The following SPOCK1 variants were observed in gnomAD, a reference collection of about 807,000 sequenced individuals.
The protein encoded by SPOCK1 is SPARC (osteonectin), cwcv and kazal like domains proteoglycan 1.
A neutral mutation model predicts 55.3 loss-of-function variants in SPOCK1; 23 were observed. That is an observed-to-expected ratio of 0.42 (90% confidence interval 0.30 to 0.59). SPOCK1 has a LOEUF of 0.59. Among genes scored for constraint, SPOCK1 ranks in the 20% least tolerant of loss-of-function variants. The probability of loss-of-function intolerance (pLI) is 0.22; values close to 1 mark genes in which losing one functional copy is unlikely to be tolerated. For synonymous variants in SPOCK1, 226 were observed against 221.0 expected, an observed-to-expected ratio of 1.02 and a Z score of -0.20; for missense variants, 499 against 552.5, an observed-to-expected ratio of 0.90 and a Z score of 0.97.
chr5:137,144,726 T>A lies in SPOCK1; in HGVS notation c.233-4032A>T, dbSNP rs191605119. On this transcript the variant is annotated intron_variant, in intron 3 of 10. Transcript: ENST00000394945. ...GTACTGGAAAGGACTGTGGCTGCAC[T>A]TTGAAAAGGGAAGGATAAGAGATCC... Among the ~76,000 whole-genome samples, 3 of 152,182 alleles carry A rather than the reference T, an allele frequency of 2.0e-5. No homozygotes were observed. In the East Asian group the frequency reaches 5.8e-4, roughly 30 times the overall value.
chr5:137,292,476 G>A (rs1340491477), intron 2 of SPOCK1, among the ~76,000 whole-genome samples: 1 of 114,634 alleles, frequency 8.7e-6, no homozygotes, highest in Admixed American at 1.0e-4. Context: ...AAAAAAGTTG[G>A]AGGAGCCAGA....
chr5:137,268,213 A>G (rs1029193849), intron 2 of SPOCK1, among the ~76,000 whole-genome samples: 2 of 152,192 alleles, frequency 1.3e-5, no homozygotes, highest in African/African-American at 4.8e-5. Flanking sequence ...CCTTAAATAG[A>G]TTTTAGGAAA....
chr5:137,340,076 T>C (rs929795852), intron 2 of SPOCK1, among the ~76,000 whole-genome samples: 7 of 149,246 alleles, frequency 4.7e-5, no homozygotes, highest in Admixed American at 2.7e-4. Context: ...TAAATTCTAC[T>C]TTACTATTTC....
At chr5:137,154,250 G>T (rs1177919457) in intron 3 of SPOCK1, among the ~76,000 whole-genome samples, 1 of 152,146 alleles carries the variant, frequency 6.6e-6, no homozygotes, top group African/African-American at 2.4e-5. Flanking sequence ...TGGCGCCGTT[G>T]CACTCCAGCC....
intron 2 of SPOCK1, among the ~76,000 whole-genome samples, chr5:137,435,632 A>G (rs1325373627): frequency 6.6e-6 from 1 of 152,164 alleles, no homozygotes; most frequent in Non-Finnish European, 1.5e-5. Context: ...CTTTAAGTAA[A>G]GTGGGAGGCA....
At chr5:137,357,186 G>C (rs1214264644) in intron 2 of SPOCK1, among the ~76,000 whole-genome samples, 2 of 152,116 alleles carry the variant, frequency 1.3e-5, no homozygotes, top group African/African-American at 2.4e-5. Context: ...CACTCATGGA[G>C]TTTGCTATCT....
At chr5:137,405,717 T>C (rs1465081233) in intron 2 of SPOCK1, among the ~76,000 whole-genome samples, 3 of 151,600 alleles carry the variant, frequency 2.0e-5, no homozygotes, top group African/African-American at 7.3e-5. Flanking sequence ...AGAGAAAAGG[T>C]TGGCTAATTC....
At chr5:137,459,404 A>G (rs927259896) in intron 2 of SPOCK1, among the ~76,000 whole-genome samples, 1 of 151,532 alleles carries the variant, frequency 6.6e-6, no homozygotes, top group African/African-American at 2.4e-5. Context: ...TGGTTCCAAG[A>G]GCAGAATGTC....
chr5:137,302,316 T>A (rs1757607894), intron 2 of SPOCK1, among the ~76,000 whole-genome samples: 1 of 151,570 alleles, frequency 6.6e-6, no homozygotes, highest in Admixed American at 6.6e-5. Flanking sequence ...ACGCCTGTAA[T>A]CCCAGCACTT....
intron 6 of SPOCK1, among the ~76,000 whole-genome samples, chr5:137,063,825 T>C (rs1481550359): frequency 6.6e-6 from 1 of 152,218 alleles, no homozygotes; most frequent in Admixed American, 6.5e-5. Flanking sequence ...GTACTCTGCA[T>C]TGAATAGAAA....
chr5:137,402,650 G>A (rs1473845644), intron 2 of SPOCK1, among the ~76,000 whole-genome samples: 2 of 152,156 alleles, frequency 1.3e-5, no homozygotes, highest in Non-Finnish European at 2.9e-5. Context: ...CTTCCCAGAA[G>A]GGATATGAAA....
At chr5:137,237,336 G>A in intron 3 of SPOCK1, among the ~76,000 whole-genome samples, 1 of 152,064 alleles carries the variant, frequency 6.6e-6, no homozygotes, top group East Asian at 1.9e-4. Context: ...AGAGTGCTGG[G>A]CCCTCCCCTG....
chr5:137,080,847 G>C (rs1214103118), intron 5 of SPOCK1, among the ~76,000 whole-genome samples: 1 of 152,202 alleles, frequency 6.6e-6, no homozygotes, highest in Admixed American at 6.5e-5. Flanking sequence ...GAAGGCACGG[G>C]TGAGATGACC....
At chr5:137,290,931 G>C (rs1757358880) in intron 2 of SPOCK1, among the ~76,000 whole-genome samples, 1 of 152,088 alleles carries the variant, frequency 6.6e-6, no homozygotes, top group African/African-American at 2.4e-5. Context: ...ACTAAGTGCT[G>C]GTATCTTTCC....
intron 2 of SPOCK1, among the ~76,000 whole-genome samples, chr5:137,453,076 C>G (rs1753291083): frequency 2.0e-5 from 3 of 152,156 alleles, no homozygotes; most frequent in Admixed American, 1.3e-4. Context: ...TCACCTCATT[C>G]AAACCAAAGG....
intron 2 of SPOCK1, among the ~76,000 whole-genome samples, chr5:137,310,631 T>C (rs2127142100): frequency 6.6e-6 from 1 of 152,338 alleles, no homozygotes; most frequent in South Asian, 2.1e-4. Context: ...AACAACTCTT[T>C]GGCATTTTTC....
intron 2 of SPOCK1, among the ~76,000 whole-genome samples, chr5:137,378,425 A>G (rs1193723018): frequency 2.0e-5 from 3 of 152,216 alleles, no homozygotes; most frequent in Admixed American, 2.0e-4. Flanking sequence ...AGCTCCATAC[A>G]CTGTGGACAT....
At chr5:137,121,913 A>ATAT (rs1753692924) in intron 4 of SPOCK1, among the ~76,000 whole-genome samples, 17 of 146,326 alleles carry the variant, frequency 1.2e-4, no homozygotes, top group African/African-American at 4.0e-4. Context: ...TATATGTCAT[A>ATAT]AATAATACTG....
intron 5 of SPOCK1, among the ~76,000 whole-genome samples, chr5:137,111,616 A>T (rs1753475559): frequency 6.6e-6 from 1 of 152,094 alleles, no homozygotes; most frequent in Admixed American, 6.5e-5. Context: ...GGTGAAACGT[A>T]CCCATTCTCA....
Sources: allele counts gnomAD v4.1 joint callset (sites outside exome capture counted in the v4.1 genomes callset), GRCh38; gene constraint gnomAD v4.1.1; transcripts MANE v1.5; gene names NCBI Gene and HGNC (gene_info 2026-07-23, HGNC 2026-07-21).